VPS53: variants seen among roughly 807,000 people sequenced by gnomAD.
The protein encoded by VPS53 is vacuolar protein sorting-associated protein 53 homolog.
VPS53 carries 70 observed loss-of-function variants against 107.0 expected under a neutral mutation model. The observed-to-expected ratio is 0.65, with a 90% CI of 0.54 to 0.80. The LOEUF (loss-of-function observed/expected upper bound fraction) is 0.80. Among genes scored for constraint, VPS53 ranks in the 30% least tolerant of loss-of-function variants. VPS53 has a pLI of 0.00. For synonymous variants in VPS53, 409 were observed against 393.3 expected, an observed-to-expected ratio of 1.04 and a Z score of -0.47; for missense variants, 917 against 1,049.4, an observed-to-expected ratio of 0.87 and a Z score of 1.74.
At chr17:612,177 G>A (rs1968914116) in intron 11 of VPS53, among the ~76,000 whole-genome samples, 1 of 151,180 alleles carries the variant, frequency 6.6e-6, no homozygotes, top group Non-Finnish European at 1.5e-5. Context: ...TTCATAGTGA[G>A]TTCACACAGT....
At position 537,068 on chromosome 17, in the gene VPS53, T is replaced by C; in HGVS notation, c.1975A>G (p.Thr659Ala). Residue 659 changes from threonine to alanine, a missense_variant, in exon 18 of 22, where the codon ACA (threonine) becomes GCA (alanine). Transcript: ENST00000437048. ...VPIIRDNLAS[T>A]RKYFTQFCVK... is the part of the protein sequence containing the mutation. ...CAGAACTGAGTGAAGTACTTGCGTGTGGAAGCCAGGTTGTCACGGATGATG... is the reference window on the plus strand; with the variant it reads ...CAGAACTGAGTGAAGTACTTGCGTGCGGAAGCCAGGTTGTCACGGATGATG... 6.2e-7 allele frequency: 1 copy of C among 1,614,164 alleles called. No homozygotes were observed. The highest frequency in any genetic ancestry group is 8.5e-7 in the Non-Finnish European group (1 of 1,180,030).
intron 12 of VPS53, among the ~76,000 whole-genome samples, chr17:598,307 G>A (rs1183436645): frequency 1.0e-4 from 15 of 149,804 alleles, no homozygotes; most frequent in Admixed American, 4.6e-4. Flanking sequence ...ATCTCAGCTC[G>A]CTACAACCTC....
In VPS53 at chr17:710,568, C is replaced by T; in HGVS notation, c.133G>A (p.Val45Ile). Residue 45 changes from valine to isoleucine, a missense_variant, in exon 2 of 22, where the codon GTT becomes ATT. Physicochemically the swap from Val to Ile is conservative, Grantham distance 29 (BLOSUM62 3). Transcript: ENST00000437048. The stretch of plus-strand genomic sequence containing the variant: ...GGGAACAGGGTATTGATATACTCAA[C>T]AGCATTGAAATCTGCTCGATCTAGA... Reference protein sequence around the residue: ...DPLDRADFNAVEYINTLFPTE... With the variant: ...DPLDRADFNAIEYINTLFPTE... The T allele has an allele frequency of 1.2e-6, 2 of 1,614,022 alleles. No homozygotes were observed. Among genetic ancestry groups the T allele is most frequent in the Non-Finnish European group, 1.7e-6 (2 of 1,179,982 alleles).
intron 19 of VPS53, among the ~76,000 whole-genome samples, chr17:529,394 A>T (rs1372629226): frequency 3.0e-5 from 3 of 101,474 alleles, no homozygotes; most frequent in Non-Finnish European, 5.5e-5. Context: ...TCACACACAC[A>T]CACTCACACA....
intron 13 of VPS53, among the ~76,000 whole-genome samples, chr17:573,801 T>C (rs1412396287): frequency 1.3e-5 from 2 of 152,160 alleles, no homozygotes; most frequent in Non-Finnish European, 2.9e-5. Flanking sequence ...CACCACACTG[T>C]GTTGCGTCTC....
At chr17:549,806 G>A (rs1172692600) in intron 17 of VPS53, among the ~76,000 whole-genome samples, 4 of 152,180 alleles carry the variant, frequency 2.6e-5, no homozygotes, top group Non-Finnish European at 5.9e-5. Flanking sequence ...GTGTTCTCCT[G>A]TGAATGCTGA....
intron 7 of VPS53, among the ~76,000 whole-genome samples, chr17:647,954 G>A (rs1329558937): frequency 6.6e-5 from 10 of 152,226 alleles, no homozygotes; most frequent in South Asian, 2.1e-4. Context: ...GCCGCTGTCC[G>A]TGTCTGCACC....
intron 4 of VPS53, among the ~76,000 whole-genome samples, chr17:691,952 T>C (rs1268934303): frequency 6.6e-6 from 1 of 152,206 alleles, no homozygotes; most frequent in Admixed American, 6.5e-5. Context: ...GTTTCAGGCA[T>C]CCACTGGGGG....
At chr17:593,608 G>T (rs1967796027) in intron 12 of VPS53, among the ~76,000 whole-genome samples, 2 of 152,216 alleles carry the variant, frequency 1.3e-5, no homozygotes, top group African/African-American at 2.4e-5. Flanking sequence ...ACCACGATGA[G>T]ATACCATTTC....
At chr17:635,800 C>T (rs1970174468) in intron 7 of VPS53, among the ~76,000 whole-genome samples, 1 of 152,150 alleles carries the variant, frequency 6.6e-6, no homozygotes, top group Admixed American at 6.6e-5. Flanking sequence ...GTTACTATAG[C>T]CTTGTAGTAT....
intron 7 of VPS53, among the ~76,000 whole-genome samples, chr17:636,506 G>A (rs1170043066): frequency 1.3e-5 from 2 of 152,154 alleles, no homozygotes; most frequent in Non-Finnish European, 2.9e-5. Context: ...GTTTTCAAAG[G>A]GAATGCTTCC....
chr17:595,966 C>G (rs977561678), intron 12 of VPS53, among the ~76,000 whole-genome samples: 1 of 142,874 alleles, frequency 7.0e-6, no homozygotes, highest in Non-Finnish European at 1.5e-5. Context: ...ACTCTAGTGT[C>G]CCCCTGGAGG....
intron 12 of VPS53, among the ~76,000 whole-genome samples, chr17:589,259 GACTT>G (rs143112812): frequency 0.015 from 2,228 of 151,188 alleles, 29 homozygotes; most frequent in Non-Finnish European, 0.022. Flanking sequence ...CAGCTTTACT[GACTT>G]ACTAATTTAT....
At chr17:687,574 CAAAAA>C (rs1051720595) in intron 4 of VPS53, among the ~76,000 whole-genome samples, 1 of 89,464 alleles carries the variant, frequency 1.1e-5, no homozygotes, top group African/African-American at 4.1e-5. Flanking sequence ...GACTCAGTCT[CAAAAA>C]AAAAAAAAAA....
intron 7 of VPS53, among the ~76,000 whole-genome samples, chr17:643,361 A>C (rs77997700): frequency 4.1e-5 from 6 of 145,796 alleles, no homozygotes; most frequent in African/African-American, 5.0e-5. Flanking sequence ...TCATACTTGG[A>C]AACCGAGGAC....
At chr17:675,088 C>T (rs1378672593) in intron 4 of VPS53, 1 of 152,112 alleles carries the variant, frequency 6.6e-6, no homozygotes, top group East Asian at 1.9e-4. Context: ...TGTGTCTTTG[C>T]TTACAGTGAA....
Position 661,713 on chromosome 17 carries a change from G to A in VPS53, c.372+96C>T, listed in dbSNP as rs1971445310. On this transcript the variant is annotated intron_variant, in intron 5 of 21. Transcript: ENST00000437048. ...TGCAGATGACTCTGGTTGGCAGGAG[G>A]TGCCATTATTAGAAAAAGCTCATTA... is the stretch of plus-strand genomic sequence containing the variant. The A allele has an allele frequency of 2.5e-6, 3 of 1,179,936 alleles. No homozygotes were observed. In the East Asian group the frequency reaches 7.7e-5, roughly 30 times the overall value. 73.1% of individuals were successfully genotyped at this position (1,179,936 alleles called of 1,614,324 possible).
intron 19 of VPS53, among the ~76,000 whole-genome samples, chr17:522,700 T>A (rs1417739480): frequency 6.6e-6 from 1 of 152,264 alleles, no homozygotes; most frequent in Non-Finnish European, 1.5e-5. Context: ...AATGTAAACA[T>A]TGTATCCTGG....
rs569424401 is a variant in VPS53 at position 595,685 on chromosome 17, C to G, written c.1218+6110G>C. Among the ~76,000 whole-genome samples, 143 of 140,774 alleles carry G rather than the reference C, an allele frequency of 1.0e-3. 1 individual carries two copies. The highest frequency in any genetic ancestry group is 1.8e-3 in the East Asian group (8 of 4,510). The allele number at this position is 140,774 out of a possible 152,430, so 92.4% of individuals were successfully genotyped here. A position where few individuals can be genotyped will look rare whatever the true frequency, so the allele number is the denominator to read the frequency against. On this transcript the variant is annotated intron_variant, in intron 12 of 21. Coordinates refer to ENST00000437048, the MANE Select transcript of VPS53 (RefSeq NM_001128159.3). ...TTTGATGATGCACTCTAGTGCCCCC[C>G]CTGGAGGAAGCTGGGAGATGGGAAG...
Sources: gnomAD v4.1 joint callset for allele counts (sites outside exome capture counted in the v4.1 genomes callset) on GRCh38, gnomAD v4.1.1 for gene constraint, MANE v1.5 for transcripts, NCBI Gene and HGNC (gene_info 2026-07-23, HGNC 2026-07-21) for gene names.